Variants in PLEKHG1 observed in about 807,000 individuals in gnomAD.
PLEKHG1 encodes pleckstrin homology and RhoGEF domain containing G1.
A neutral mutation model predicts 100.8 loss-of-function variants in PLEKHG1; 44 were observed. The observed-to-expected ratio is 0.44, with a 90% CI of 0.34 to 0.56. The LOEUF is 0.56. PLEKHG1 is among the 20% of genes least tolerant of loss of function. The probability of loss-of-function intolerance (pLI) is 0.01; values close to 1 mark genes in which losing one functional copy is unlikely to be tolerated. For synonymous variants in PLEKHG1, 640 were observed against 662.5 expected (o/e 0.97, Z 0.52); for missense variants, 1,545 against 1,720.9 (o/e 0.90, Z 1.81).
At chr6:150,697,330 G>C (rs887971603) in intron 3 of PLEKHG1, among the ~76,000 whole-genome samples, 1 of 152,202 alleles carries the variant, frequency 6.6e-6, no homozygotes, top group East Asian at 1.9e-4. Context: ...GCAATGGAGA[G>C]AGCAGTGAGC....
At chr6:150,761,433 G>A (rs1334283362) in intron 2 of PLEKHG1, among the ~76,000 whole-genome samples, 1 of 152,008 alleles carries the variant, frequency 6.6e-6, no homozygotes, top group Non-Finnish European at 1.5e-5. Context: ...TCAGCCTCTC[G>A]AGTAGCTGAT....
exon 7 of PLEKHG1, chr6:150,804,706 A>G (rs1786948546): frequency 1.2e-6 from 2 of 1,613,984 alleles, no homozygotes; most frequent in Non-Finnish European, 1.7e-6. Flanking sequence ...TATCAATGAC[A>G]TGAAGCGGAA....
chr6:150,665,964 G>A (rs778587049), intron 3 of PLEKHG1, among the ~76,000 whole-genome samples: 1 of 152,138 alleles, frequency 6.6e-6, no homozygotes, highest in Non-Finnish European at 1.5e-5. Context: ...ATGGGGTGGG[G>A]CCTTGCCTCC....
At chr6:150,828,206 T>C in intron 14 of PLEKHG1, 1 of 1,613,936 alleles carries the variant, frequency 6.2e-7, no homozygotes, top group Admixed American at 1.7e-5. Flanking sequence ...TTATTGGTCC[T>C]CTGAGTGTTT....
intron 3 of PLEKHG1, among the ~76,000 whole-genome samples, chr6:150,776,071 A>G (rs1784943843): frequency 6.6e-6 from 1 of 152,174 alleles, no homozygotes; most frequent in South Asian, 2.1e-4. Context: ...CAAGGTCATA[A>G]TACAATTCCT....
chr6:150,697,300 A>G (rs1780584444), intron 3 of PLEKHG1, among the ~76,000 whole-genome samples: 1 of 152,204 alleles, frequency 6.6e-6, no homozygotes, highest in Non-Finnish European at 1.5e-5. Context: ...AGTGCTACCA[A>G]AGAGCATGTC....
intron 2 of PLEKHG1, among the ~76,000 whole-genome samples, chr6:150,649,663 G>A (rs994945759): frequency 6.6e-5 from 10 of 151,914 alleles, no homozygotes; most frequent in African/African-American, 2.4e-4. Context: ...GATCACCTAA[G>A]GTCAGGAGTT....
At chr6:150,716,755 G>A (rs1164785115), upstream of PLEKHG1, among the ~76,000 whole-genome samples, 3 of 152,202 alleles carry the variant, frequency 2.0e-5, no homozygotes, top group Non-Finnish European at 1.5e-5. Context: ...TGGCTCCTTC[G>A]CCCTTCCCAG....
intron 3 of PLEKHG1, among the ~76,000 whole-genome samples, chr6:150,674,682 T>TCTCTCCTCTCTCTCTCTCTCTCC (rs1455673564): frequency 9.6e-6 from 1 of 104,234 alleles, no homozygotes. Flanking sequence ...TCTCTCTCTC[T>TCTCTCCTCTCTCTCTCTCTCTCC]CCCCCCTCTT....
intron 3 of PLEKHG1, among the ~76,000 whole-genome samples, chr6:150,655,672 C>CA (rs1778935602): frequency 7.4e-6 from 1 of 136,032 alleles, no homozygotes; most frequent in South Asian, 2.3e-4. Context: ...TGTGCCACTG[C>CA]ACTCCAGCCT....
intron 3 of PLEKHG1, among the ~76,000 whole-genome samples, chr6:150,659,892 G>T (rs778466074): frequency 2.0e-5 from 3 of 152,184 alleles, no homozygotes; most frequent in Non-Finnish European, 2.9e-5. Context: ...TAGGTTTTAT[G>T]CATGGCACAC....
rs73783124 is a variant in PLEKHG1 at position 150,815,289 on chromosome 6, C to G, written c.1279-2894C>G. 8.2e-3 allele frequency among the ~76,000 whole-genome samples: 1,242 copies of G among 152,246 alleles called. 14 individuals carry two copies. The highest frequency in any genetic ancestry group is 0.028 in the African/African-American group (1,158 of 41,528). On this transcript the variant is annotated intron_variant, in intron 10 of 15. Transcript: ENST00000358517. ...TACAGCCTCCCAGCTGCCTTCCGTT[C>G]TTTTAATTCAATGATGGTCCTTGGC... is the stretch of plus-strand genomic sequence containing the variant.
intron 2 of PLEKHG1, among the ~76,000 whole-genome samples, chr6:150,745,502 G>A (rs13195415): frequency 0.098 from 14,887 of 152,130 alleles, 818 homozygotes; most frequent in Middle Eastern, 0.17. Context: ...GGCCACCATG[G>A]TGAAACCCCG....
intron 7 of PLEKHG1, among the ~76,000 whole-genome samples, chr6:150,805,952 C>A (rs1173941863): frequency 6.6e-6 from 1 of 152,196 alleles, no homozygotes; most frequent in Non-Finnish European, 1.5e-5. Context: ...CTGGGCACCT[C>A]AATAGATGCA....
chr6:150,664,302 A>C (rs970000184), intron 3 of PLEKHG1: 1 of 152,186 alleles, frequency 6.6e-6, no homozygotes, highest in Non-Finnish European at 1.5e-5. Flanking sequence ...GGCAGTAACC[A>C]TACTCAATGC....
intron 7 of PLEKHG1, among the ~76,000 whole-genome samples, chr6:150,806,973 G>A (rs1416397405): frequency 6.6e-6 from 1 of 151,634 alleles, no homozygotes; most frequent in Non-Finnish European, 1.5e-5. Context: ...TCACCCCTTT[G>A]TCCAGTGTAT....
intron 3 of PLEKHG1, chr6:150,663,423 TTA>T (rs1323689030): frequency 6.6e-6 from 1 of 152,196 alleles, no homozygotes; most frequent in Non-Finnish European, 1.5e-5. Flanking sequence ...GGTGCATCTT[TTA>T]TATCTTAGAT....
Position 150,831,330 on chromosome 6 carries a change from A to T in PLEKHG1, c.2219A>T (p.Asn740Ile), listed in dbSNP as rs1277769084. 6.2e-7 allele frequency: 1 copy of T among 1,614,128 alleles called. No individual in the cohort carries two copies. Among genetic ancestry groups the T allele is most frequent in the East Asian group, 2.2e-5 (1 of 44,866 alleles). ...CATGAACTCCAAGCGGTTGAGGAGA[A>T]CATCTATGACACCATAGGGCTCCCA... is the stretch of plus-strand genomic sequence containing the variant. The change falls in exon 15 of 16, where the codon AAC becomes ATC. Residue 740 changes from asparagine to isoleucine, a missense_variant. Asn to Ile is a moderately radical substitution (Grantham distance 149). Coordinates refer to ENST00000358517, the Ensembl canonical transcript of PLEKHG1. This position sits in a 1 kb window ranked among gnomAD's most constrained non-coding sequence, Gnocchi z 4.1.
intron 4 of PLEKHG1, among the ~76,000 whole-genome samples, chr6:150,793,473 G>C (rs1786112548): frequency 6.6e-6 from 1 of 152,168 alleles, no homozygotes; most frequent in South Asian, 2.1e-4. Flanking sequence ...GTAACCAAGA[G>C]TTCATAGAAG....
Sources: gnomAD v4.1 joint callset for allele counts (sites outside exome capture counted in the v4.1 genomes callset) on GRCh38, gnomAD v4.1.1 for gene constraint, Gnocchi (gnomAD v3.1) non-coding constraint, MANE v1.5 for transcripts, NCBI Gene and HGNC (gene_info 2026-07-23, HGNC 2026-07-21) for gene names.